ROBO1: variants seen among roughly 807,000 people sequenced by gnomAD.
ROBO1 encodes the protein roundabout homolog 1.
A neutral mutation model predicts 195.9 loss-of-function variants in ROBO1; 149 were observed. The observed-to-expected ratio is 0.76, with a 90% CI of 0.67 to 0.87. ROBO1 has a LOEUF of 0.87. ROBO1 is among the 40% of genes least tolerant of loss of function. The pLI is 0.00. For missense variants in ROBO1, 1,933 were observed against 2,068.3 expected (o/e 0.93, Z 1.27); for synonymous variants, 816 against 733.2 (o/e 1.11, Z -1.82).
chr3:79,734,720 G>A lies in ROBO1; in HGVS notation c.-51+33032C>T, dbSNP rs575530614. Among the ~76,000 whole-genome samples, 4 of 152,198 alleles carry A rather than the reference G, an allele frequency of 2.6e-5. No individual in the cohort carries two copies. In the East Asian group the frequency reaches 7.7e-4, roughly 29 times the overall value. ...CACCTAGGGATTTTGTGGAAATACA[G>A]CCACTACTTCCATAGGTCTGAGTGG... On this transcript the variant is annotated intron_variant, in intron 1 of 30. Coordinates refer to ENST00000464233, the MANE Select transcript of ROBO1 (RefSeq NM_002941.4).
At chr3:79,301,069 G>A (rs1576944761) in intron 2 of ROBO1, among the ~76,000 whole-genome samples, 5 of 152,066 alleles carry the variant, frequency 3.3e-5, no homozygotes, top group Admixed American at 6.6e-5. Context: ...CACCTTCCAC[G>A]CTGTGGAAGC....
intron 2 of ROBO1, among the ~76,000 whole-genome samples, chr3:79,488,502 C>T (rs74958962): frequency 0.012 from 1,763 of 152,106 alleles, 29 homozygotes; most frequent in African/African-American, 0.039. Context: ...TTATTAAATG[C>T]CATATGTCAT....
chr3:78,924,087 A>C (rs907770342), intron 4 of ROBO1, among the ~76,000 whole-genome samples: 3 of 152,130 alleles, frequency 2.0e-5, no homozygotes, highest in African/African-American at 7.2e-5. Flanking sequence ...GTATGTATAC[A>C]TACACATACA....
At chr3:78,908,356 C>G (rs897442418) in intron 4 of ROBO1, among the ~76,000 whole-genome samples, 15 of 151,812 alleles carry the variant, frequency 9.9e-5, no homozygotes, top group African/African-American at 3.6e-4. Context: ...GGGCACAATT[C>G]CAAAACTAAG....
At chr3:79,107,460 T>C (rs891369404) in intron 3 of ROBO1, among the ~76,000 whole-genome samples, 1 of 151,710 alleles carries the variant, frequency 6.6e-6, no homozygotes, top group Admixed American at 6.6e-5. Context: ...AATTACTTTT[T>C]GTATGTTGTT....
intron 3 of ROBO1, among the ~76,000 whole-genome samples, chr3:78,944,675 G>A (rs1365776640): frequency 6.6e-6 from 1 of 152,210 alleles, no homozygotes; most frequent in Non-Finnish European, 1.5e-5. Flanking sequence ...GCAGGACAGT[G>A]GGTGCAGCGC....
intron 3 of ROBO1, among the ~76,000 whole-genome samples, chr3:78,954,871 A>G (rs2040961930): frequency 6.6e-6 from 1 of 152,116 alleles, no homozygotes; most frequent in African/African-American, 2.4e-5. Context: ...TGCTTAACAA[A>G]ACTACTTTGT....
chr3:78,994,890 C>T, intron 3 of ROBO1, among the ~76,000 whole-genome samples: 1 of 152,188 alleles, frequency 6.6e-6, no homozygotes, highest in South Asian at 2.1e-4. Context: ...TAATGGGAGG[C>T]CATTAAAACG....
intron 2 of ROBO1, among the ~76,000 whole-genome samples, chr3:79,350,905 C>T (rs1364740898): frequency 6.6e-6 from 1 of 152,050 alleles, no homozygotes; most frequent in Non-Finnish European, 1.5e-5. Flanking sequence ...TCACAATGTA[C>T]TACAGCCCCT....
At chr3:79,689,120 T>C (rs1192943535) in intron 1 of ROBO1, among the ~76,000 whole-genome samples, 2 of 151,914 alleles carry the variant, frequency 1.3e-5, no homozygotes, top group African/African-American at 4.8e-5. Context: ...TTGTAATAAA[T>C]TAATAATCAG....
chr3:78,669,474 C>T (rs1261682793), intron 11 of ROBO1, among the ~76,000 whole-genome samples: 5 of 152,076 alleles, frequency 3.3e-5, no homozygotes, highest in African/African-American at 1.2e-4. Flanking sequence ...CTCAGGAGCT[C>T]GTCTGATCTT....
At chr3:78,901,130 C>T (rs766902297) in intron 4 of ROBO1, among the ~76,000 whole-genome samples, 5 of 152,160 alleles carry the variant, frequency 3.3e-5, no homozygotes, top group Admixed American at 1.3e-4. Context: ...ATTTTGCACA[C>T]GATGTCATGC....
intron 2 of ROBO1, among the ~76,000 whole-genome samples, chr3:79,199,992 G>C (rs1330900924): frequency 6.6e-6 from 1 of 151,676 alleles, no homozygotes; most frequent in East Asian, 1.9e-4. Context: ...GGGAAGAATA[G>C]AGTAAAAACA....
chr3:79,682,597 GA>G (rs1238649903), intron 1 of ROBO1, among the ~76,000 whole-genome samples: 1 of 151,896 alleles, frequency 6.6e-6, no homozygotes, highest in Non-Finnish European at 1.5e-5. Context: ...GTCAATTTAA[GA>G]AAAGTACTTT....
intron 2 of ROBO1, among the ~76,000 whole-genome samples, chr3:79,230,783 C>G (rs1040981515): frequency 1.3e-5 from 2 of 152,044 alleles, no homozygotes; most frequent in African/African-American, 4.8e-5. Context: ...GCTAAAAGAA[C>G]AAAGCTGGAG....
At chr3:79,463,257 C>T (rs1937753803) in intron 2 of ROBO1, among the ~76,000 whole-genome samples, 1 of 152,024 alleles carries the variant, frequency 6.6e-6, no homozygotes, top group South Asian at 2.1e-4. Flanking sequence ...CGCCTGTAGT[C>T]CCAGCTACTT....
At chr3:79,308,385 T>C (rs1192267952) in intron 2 of ROBO1, among the ~76,000 whole-genome samples, 1 of 152,108 alleles carries the variant, frequency 6.6e-6, no homozygotes, top group Non-Finnish European at 1.5e-5. Flanking sequence ...TTGTGAAAAA[T>C]GTATACATTT....
At chr3:78,741,418 A>G (rs1414074366) in intron 5 of ROBO1, among the ~76,000 whole-genome samples, 7 of 151,618 alleles carry the variant, frequency 4.6e-5, no homozygotes, top group Non-Finnish European at 1.0e-4. Context: ...CAAATTTTAA[A>G]ACAAACAAAC....
At chr3:79,532,600 A>G (rs1941703505) in intron 2 of ROBO1, among the ~76,000 whole-genome samples, 3 of 150,510 alleles carry the variant, frequency 2.0e-5, no homozygotes, top group African/African-American at 7.4e-5. Flanking sequence ...GGCAACACAT[A>G]TTTAAACTAC....
Sources: allele counts gnomAD v4.1 joint callset (sites outside exome capture counted in the v4.1 genomes callset), GRCh38; gene constraint gnomAD v4.1.1; transcripts MANE v1.5; gene names NCBI Gene and HGNC (gene_info 2026-07-23, HGNC 2026-07-21).